ACTR3C: variants seen among roughly 807,000 people sequenced by gnomAD.
The protein encoded by ACTR3C is actin related protein 3C, also known as actin-related protein 3C.
ACTR3C carries 18 observed loss-of-function variants against 26.3 expected under a neutral mutation model. The ratio of observed to expected loss-of-function variants is 0.68; its 90% CI spans 0.47 to 1.01. The LOEUF (loss-of-function observed/expected upper bound fraction) is 1.01. ACTR3C is among the 50% of genes least tolerant of loss of function. ACTR3C has a pLI of 0.00. For synonymous variants in ACTR3C, 55 were observed against 94.5 expected (o/e 0.58, Z 2.42); for missense variants, 184 against 250.7 (o/e 0.73, Z 1.80).
chr7:150,208,642 A>G, the ACTR3C span, among the ~76,000 whole-genome samples: 2 of 152,216 alleles, frequency 1.3e-5, no homozygotes, highest in East Asian at 3.8e-4. Flanking sequence ...GACCTGAAGG[A>G]ATCAGATTAC....
At chr7:150,180,078 G>A in the ACTR3C span, among the ~76,000 whole-genome samples, 1 of 151,204 alleles carries the variant, frequency 6.6e-6, no homozygotes, top group Admixed American at 6.5e-5. Context: ...GGCCGAGGGG[G>A]GTGGATCACG....
At chr7:149,885,580 C>T in the ACTR3C span, among the ~76,000 whole-genome samples, 10 of 152,258 alleles carry the variant, frequency 6.6e-5, no homozygotes, top group Middle Eastern at 6.3e-3. Flanking sequence ...ACAGGACCTC[C>T]GCCTTGGCTC....
chr7:150,210,115 T>C, the ACTR3C span, among the ~76,000 whole-genome samples: 2 of 152,108 alleles, frequency 1.3e-5, no homozygotes, highest in East Asian at 1.9e-4. Context: ...AATAAGCATG[T>C]GTAAAATGCT....
At chr7:150,165,145 A>G in the ACTR3C span, among the ~76,000 whole-genome samples, 2 of 152,198 alleles carry the variant, frequency 1.3e-5, no homozygotes, top group Admixed American at 6.5e-5. Flanking sequence ...TTCCAGCTCA[A>G]TGCAATTCAA....
the ACTR3C span, among the ~76,000 whole-genome samples, chr7:150,176,906 A>T: frequency 1.3e-5 from 2 of 151,000 alleles, no homozygotes; most frequent in East Asian, 3.8e-4. Flanking sequence ...TATAAAAATT[A>T]GTTACTGAAA....
intron 6 of ACTR3C, among the ~76,000 whole-genome samples, chr7:150,265,837 G>A (rs775528360): frequency 4.2e-4 from 63 of 151,522 alleles, no homozygotes; most frequent in East Asian, 1.7e-3. Flanking sequence ...CCTCCCACAC[G>A]CACACACATC....
the ACTR3C span, among the ~76,000 whole-genome samples, chr7:150,061,313 T>G: frequency 6.9e-6 from 1 of 144,284 alleles, no homozygotes; most frequent in Non-Finnish European, 1.5e-5. Context: ...CCTGTCTTCT[T>G]GGAGAACAGG....
At chr7:149,896,891 C>A in the ACTR3C span, among the ~76,000 whole-genome samples, 1 of 151,638 alleles carries the variant, frequency 6.6e-6, no homozygotes, top group Non-Finnish European at 1.5e-5. Context: ...GAAACCTCAT[C>A]TCTCCTTAAA....
At chr7:149,929,774 G>A in the ACTR3C span, among the ~76,000 whole-genome samples, 79 of 152,096 alleles carry the variant, frequency 5.2e-4, 1 homozygote, top group African/African-American at 1.1e-3. Flanking sequence ...CAGGTGATCC[G>A]CCCGCCTCAG....
In ACTR3C at chr7:150,280,798, A is replaced by ATGTGTGTGTGTGTGTG. The variant is rs200924995; in HGVS notation, c.564+3939_564+3954dup. 2.7e-4 allele frequency among the ~76,000 whole-genome samples: 40 copies of ATGTGTGTGTGTGTGTG among 147,578 alleles called. No homozygotes were observed. The East Asian group carries it at 7.2e-3, about 27-fold the overall frequency. On this transcript the variant is annotated intron_variant, in intron 6 of 7. Coordinates refer to ENST00000683684, the MANE Select transcript of ACTR3C (RefSeq NM_001164458.2). ...AATATGCACAATTTTCCTGCTCTTGATGTGTGTGTGTGTGTGTGTGTATAT... is the reference window on the plus strand; with the variant it reads ...AATATGCACAATTTTCCTGCTCTTGATGTGTGTGTGTGTGTGTGTGTGTGTGTGTGTGTGTGTATAT...
the ACTR3C span, among the ~76,000 whole-genome samples, chr7:150,023,320 T>C: frequency 1.2e-4 from 2 of 16,752 alleles, no homozygotes; most frequent in Non-Finnish European, 3.7e-4. Flanking sequence ...GATAGATACA[T>C]ACATACATAC....
chr7:149,970,893 A>G, the ACTR3C span, among the ~76,000 whole-genome samples: 1 of 152,242 alleles, frequency 6.6e-6, no homozygotes, highest in East Asian at 1.9e-4. Context: ...CAGTGAGCAC[A>G]TAATGGATGG....
At chr7:150,175,824 AAAAAAAAAAAAG>A in the ACTR3C span, among the ~76,000 whole-genome samples, 1 of 149,286 alleles carries the variant, frequency 6.7e-6, no homozygotes, top group South Asian at 2.1e-4. Context: ...ACAAAAAAAA[AAAAAAAAAAAAG>A]AAAGAAAGGA....
At chr7:150,242,113 G>A (rs1832211333), downstream of ACTR3C, among the ~76,000 whole-genome samples, 1 of 152,104 alleles carries the variant, frequency 6.6e-6, no homozygotes, top group Admixed American at 6.5e-5. Context: ...CTACTCAGGA[G>A]GCTGAGGCAG....
chr7:150,177,711 T>C, the ACTR3C span, among the ~76,000 whole-genome samples: 2 of 150,934 alleles, frequency 1.3e-5, no homozygotes, highest in Admixed American at 1.3e-4. Context: ...TATATTCAAA[T>C]GCTTCTTGTT....
chr7:150,186,604 A>G, the ACTR3C span, among the ~76,000 whole-genome samples: 1 of 151,702 alleles, frequency 6.6e-6, no homozygotes, highest in Admixed American at 6.6e-5. Flanking sequence ...CAGTGAAATT[A>G]CTCCTCATTT....
chr7:150,190,475 T>G, the ACTR3C span, among the ~76,000 whole-genome samples: 6 of 152,350 alleles, frequency 3.9e-5, no homozygotes, highest in Non-Finnish European at 8.8e-5. Flanking sequence ...TTTTCCCAAT[T>G]TTTTAAAGAA....
At chr7:150,152,712 T>C in the ACTR3C span, among the ~76,000 whole-genome samples, 1,177 of 152,300 alleles carry the variant, frequency 7.7e-3, 18 homozygotes, top group African/African-American at 0.027. Flanking sequence ...TCAGAAGGAA[T>C]GGTACCAGTT....
the ACTR3C span, among the ~76,000 whole-genome samples, chr7:149,965,999 A>T: frequency 3.3e-5 from 5 of 152,052 alleles, no homozygotes; most frequent in African/African-American, 9.7e-5. Context: ...GTTCATGTTG[A>T]CTCTCACTAC....
Sources: gnomAD v4.1 joint callset for allele counts (sites outside exome capture counted in the v4.1 genomes callset) on GRCh38, gnomAD v4.1.1 for gene constraint, MANE v1.5 for transcripts, NCBI Gene and HGNC (gene_info 2026-07-23, HGNC 2026-07-21) for gene names.